CORO2B: variants seen among roughly 807,000 people sequenced by gnomAD.
The protein encoded by CORO2B is coronin-2B.
A neutral mutation model predicts 58.8 loss-of-function variants in CORO2B; 26 were observed. That is an observed-to-expected ratio of 0.44 (90% CI 0.32 to 0.61). The LOEUF (loss-of-function observed/expected upper bound fraction) is 0.61, where lower values mean the gene tolerates loss of function less well. Ranked by LOEUF, CORO2B falls within the 20% of genes least tolerant of loss-of-function variation. The probability of loss-of-function intolerance (pLI) is 0.04; values close to 1 mark genes in which losing one functional copy is unlikely to be tolerated. For missense variants in CORO2B, 460 were observed against 645.1 expected (o/e 0.71, Z 3.11); for synonymous variants, 242 against 253.8 (o/e 0.95, Z 0.44).
chr15:68,580,903 C>G (rs1899411684), intron 1 of CORO2B, among the ~76,000 whole-genome samples: 1 of 152,196 alleles, frequency 6.6e-6, no homozygotes, highest in Non-Finnish European at 1.5e-5. Context: ...GTTCAGTTCT[C>G]TTTAACAGTG....
chr15:68,660,752 CT>C (rs1363745632), intron 2 of CORO2B, among the ~76,000 whole-genome samples: 1 of 152,170 alleles, frequency 6.6e-6, no homozygotes, highest in Non-Finnish European at 1.5e-5. Flanking sequence ...TTGAATGGCT[CT>C]GTGGTAAATC....
chr15:68,716,109 A>G (rs1272337586), intron 8 of CORO2B, among the ~76,000 whole-genome samples: 1 of 152,206 alleles, frequency 6.6e-6, no homozygotes, highest in Non-Finnish European at 1.5e-5. Flanking sequence ...CCAGTGACCA[A>G]CAGCAAAATG....
the CORO2B span, among the ~76,000 whole-genome samples, chr15:68,571,036 A>G: frequency 6.6e-6 from 1 of 152,174 alleles, no homozygotes; most frequent in East Asian, 1.9e-4. Flanking sequence ...AAGGAAACAG[A>G]GAGGAGGGAA....
At chr15:68,600,339 A>G (rs575070829) in intron 1 of CORO2B, among the ~76,000 whole-genome samples, 1 of 152,190 alleles carries the variant, frequency 6.6e-6, no homozygotes, top group South Asian at 2.1e-4. Context: ...CCATTCTGCC[A>G]CTGTGCTTGG....
intron 1 of CORO2B, among the ~76,000 whole-genome samples, chr15:68,624,242 A>T (rs537215158): frequency 1.1e-3 from 170 of 152,256 alleles, no homozygotes; most frequent in African/African-American, 3.9e-3. Flanking sequence ...CAAGACTTGC[A>T]GTGGTGTGAG....
intron 3 of CORO2B, among the ~76,000 whole-genome samples, chr15:68,699,607 CAGA>C (rs1892592961): frequency 6.6e-6 from 1 of 152,126 alleles, no homozygotes; most frequent in African/African-American, 2.4e-5. Context: ...CCAGCTGCCC[CAGA>C]AGTACAGCCC....
intron 1 of CORO2B, among the ~76,000 whole-genome samples, chr15:68,642,978 C>A (rs892434631): frequency 6.6e-6 from 1 of 152,208 alleles, no homozygotes; most frequent in Admixed American, 6.5e-5. Context: ...GGTGTTCTCA[C>A]TTCAGATTAA....
At chr15:68,612,779 A>G (rs1023665035) in intron 1 of CORO2B, among the ~76,000 whole-genome samples, 1 of 152,230 alleles carries the variant, frequency 6.6e-6, no homozygotes, top group African/African-American at 2.4e-5. Context: ...TGGGGCAGGA[A>G]GATCTTTAGG....
the CORO2B span, among the ~76,000 whole-genome samples, chr15:68,527,642 G>C: frequency 6.6e-6 from 1 of 152,068 alleles, no homozygotes; most frequent in Non-Finnish European, 1.5e-5. Context: ...AATTGTTGCA[G>C]ATTTTCTAAA....
intron 1 of CORO2B, among the ~76,000 whole-genome samples, chr15:68,619,770 C>T (rs1014377549): frequency 2.0e-5 from 3 of 151,882 alleles, no homozygotes; most frequent in Admixed American, 6.6e-5. Flanking sequence ...TGTGTGTGCA[C>T]GTGTTCATTC....
At chr15:68,616,321 T>A (rs1392469529) in intron 1 of CORO2B, among the ~76,000 whole-genome samples, 1 of 152,214 alleles carries the variant, frequency 6.6e-6, no homozygotes, top group Non-Finnish European at 1.5e-5. Context: ...AATGTATAGC[T>A]TTAAAAAGCT....
intron 1 of CORO2B, among the ~76,000 whole-genome samples, chr15:68,636,234 G>A (rs1901027873): frequency 6.6e-6 from 1 of 152,220 alleles, no homozygotes; most frequent in Non-Finnish European, 1.5e-5. Context: ...GAATCTGGGG[G>A]CCTCAGAAGA....
intron 1 of CORO2B, among the ~76,000 whole-genome samples, chr15:68,641,753 T>A (rs1163569718): frequency 6.6e-6 from 1 of 152,024 alleles, no homozygotes; most frequent in South Asian, 2.1e-4. Context: ...GAGACAGAGT[T>A]CGGCACTGTC....
chr15:68,590,579 C>T (rs1184868959), intron 1 of CORO2B, among the ~76,000 whole-genome samples: 5 of 152,212 alleles, frequency 3.3e-5, no homozygotes, highest in African/African-American at 4.8e-5. Context: ...GAGGGTGCTG[C>T]GGGGCCGCTG....
chr15:68,704,085 C>G (rs1892727189), intron 3 of CORO2B, among the ~76,000 whole-genome samples: 1 of 146,462 alleles, frequency 6.8e-6, no homozygotes, highest in Non-Finnish European at 1.5e-5. Flanking sequence ...CACACAAATA[C>G]AAATATTAGC....
At chr15:68,566,166 C>G in the CORO2B span, among the ~76,000 whole-genome samples, 1 of 152,180 alleles carries the variant, frequency 6.6e-6, no homozygotes. Context: ...TCATTTAACC[C>G]TCATAACATG....
chr15:68,544,569 A>G, the CORO2B span, among the ~76,000 whole-genome samples: 1 of 152,118 alleles, frequency 6.6e-6, no homozygotes, highest in Non-Finnish European at 1.5e-5. Context: ...CAGTCAACTT[A>G]CCACCAGGAG....
At chr15:68,702,821 C>CTTTTTTTTTTTTTTTTTT (rs113249272) in intron 3 of CORO2B, among the ~76,000 whole-genome samples, 75 of 96,236 alleles carry the variant, frequency 7.8e-4, no homozygotes, top group Non-Finnish European at 1.1e-3. Context: ...TTTTCTTTTT[C>CTTTTTTTTTTTTTTTTTT]TTTTTTTTTT....
At chr15:68,638,449 G>A (rs778041101) in intron 1 of CORO2B, among the ~76,000 whole-genome samples, 9 of 152,190 alleles carry the variant, frequency 5.9e-5, no homozygotes, top group Non-Finnish European at 1.2e-4. Context: ...TATTCAGACA[G>A]GTTGAGTAGG....
Sources: allele counts gnomAD v4.1 joint callset (sites outside exome capture counted in the v4.1 genomes callset), GRCh38; gene constraint gnomAD v4.1.1; transcripts MANE v1.5; gene names NCBI Gene and HGNC (gene_info 2026-07-23, HGNC 2026-07-21).